Variants in CTNNA3 observed in about 807,000 individuals in gnomAD.
The protein encoded by CTNNA3 is catenin alpha 3.
CTNNA3 carries 76 observed loss-of-function variants against 95.7 expected under a neutral mutation model. The observed-to-expected ratio is 0.79, with a 90% CI of 0.66 to 0.96. CTNNA3 has a LOEUF of 0.96. Among genes scored for constraint, CTNNA3 ranks in the 40% least tolerant of loss-of-function variants. The pLI is 0.00. For synonymous variants in CTNNA3, 431 were observed against 374.4 expected (o/e 1.15, Z -1.74); for missense variants, 1,191 against 1,089.8 (o/e 1.09, Z -1.31).
intron 11 of CTNNA3, among the ~76,000 whole-genome samples, chr10:66,514,842 G>T (rs1040798277): frequency 9.2e-5 from 14 of 152,088 alleles, no homozygotes; most frequent in Non-Finnish European, 1.8e-4. Context: ...TGTAGCTCAT[G>T]ATGAGTCAGT....
intron 13 of CTNNA3, among the ~76,000 whole-genome samples, chr10:66,142,841 A>G (rs770847838): frequency 1.1e-4 from 16 of 152,116 alleles, no homozygotes; most frequent in Admixed American, 3.9e-4. Context: ...GCAGAGTATA[A>G]AAATAATAAA....
At chr10:66,541,611 C>T (rs754698115) in intron 10 of CTNNA3, among the ~76,000 whole-genome samples, 2 of 152,024 alleles carry the variant, frequency 1.3e-5, no homozygotes, top group African/African-American at 2.4e-5. Context: ...CTCTATAATG[C>T]ATGTTTCTTT....
At chr10:66,824,046 C>CTT (rs57827121) in intron 7 of CTNNA3, among the ~76,000 whole-genome samples, 10,731 of 147,364 alleles carry the variant, frequency 0.073, 574 homozygotes, top group African/African-American at 0.14. Flanking sequence ...ATGCCATACT[C>CTT]TTTTTTTTTT....
chr10:66,694,914 T>C (rs557834871), intron 9 of CTNNA3, among the ~76,000 whole-genome samples: 13 of 152,314 alleles, frequency 8.5e-5, no homozygotes, highest in Admixed American at 2.0e-4. Flanking sequence ...CTAAATTTCT[T>C]TCAGAATTCA....
rs758853524 is a variant in CTNNA3, at chr10:66,154,246, T to C, written c.1885-50997A>G. On this transcript the variant is annotated intron_variant, in intron 13 of 17. Transcript: ENST00000433211. ...TTTATTTATAATCCAGCAAATCCTC[T>C]TTGGACTTATATTTTAAATTACTCC... Among the ~76,000 whole-genome samples the C allele has an allele frequency of 2.0e-5, 3 of 151,790 alleles. No homozygotes were observed. The Admixed American group carries it at 2.0e-4, about 10-fold the overall frequency.
intron 5 of CTNNA3, among the ~76,000 whole-genome samples, chr10:67,307,491 G>A (rs1840605488): frequency 6.6e-6 from 1 of 152,086 alleles, no homozygotes; most frequent in South Asian, 2.1e-4. Context: ...TGTTTGGTTG[G>A]TTGGTTGTTT....
At chr10:66,026,398 G>A (rs1034700064) in intron 15 of CTNNA3, among the ~76,000 whole-genome samples, 2 of 151,858 alleles carry the variant, frequency 1.3e-5, no homozygotes, top group Non-Finnish European at 1.5e-5. Context: ...CCTTTCTTCC[G>A]GTTTAGTCTC....
chr10:67,727,195 G>GTA (rs1243924172), intron 1 of CTNNA3, among the ~76,000 whole-genome samples: 9 of 123,622 alleles, frequency 7.3e-5, no homozygotes, highest in Admixed American at 1.9e-4. Context: ...TATATTATGT[G>GTA]TATATATACC....
chr10:66,640,349 C>T (rs953784966), intron 9 of CTNNA3, among the ~76,000 whole-genome samples: 5 of 152,106 alleles, frequency 3.3e-5, no homozygotes, highest in African/African-American at 1.2e-4. Flanking sequence ...TGTCTCTTCC[C>T]AGGGGAAGCT....
intron 10 of CTNNA3, among the ~76,000 whole-genome samples, chr10:66,600,364 T>C (rs998816444): frequency 2.0e-5 from 3 of 151,826 alleles, no homozygotes; most frequent in Admixed American, 2.0e-4. Context: ...CCAGTATCAC[T>C]CATGTGCGTG....
intron 3 of CTNNA3, among the ~76,000 whole-genome samples, chr10:67,591,880 T>C (rs769699525): frequency 7.3e-5 from 11 of 150,138 alleles, no homozygotes; most frequent in Non-Finnish European, 1.3e-4. Context: ...TGAAGGCATA[T>C]TATAATAATA....
At chr10:66,972,689 C>G (rs1849788910) in intron 7 of CTNNA3, among the ~76,000 whole-genome samples, 2 of 140,698 alleles carry the variant, frequency 1.4e-5, no homozygotes, top group African/African-American at 5.2e-5. Context: ...TTTAAAGGTT[C>G]TGTCAAATAG....
chr10:66,961,453 T>C (rs1285897395), intron 7 of CTNNA3, among the ~76,000 whole-genome samples: 5 of 152,228 alleles, frequency 3.3e-5, no homozygotes, highest in Non-Finnish European at 5.9e-5. Flanking sequence ...CATTCAAGCA[T>C]GCCACTCACT....
At chr10:67,038,725 T>C (rs893598352) in intron 7 of CTNNA3, among the ~76,000 whole-genome samples, 2 of 152,096 alleles carry the variant, frequency 1.3e-5, no homozygotes, top group African/African-American at 4.8e-5. Flanking sequence ...CAGTCCAAAA[T>C]CATTAGTCAG....
At chr10:66,337,096 ATATT>A (rs1306739526) in intron 12 of CTNNA3, among the ~76,000 whole-genome samples, 1 of 152,148 alleles carries the variant, frequency 6.6e-6, no homozygotes, top group East Asian at 1.9e-4. Context: ...TTCTAAACAT[ATATT>A]TATTTTTCAT....
intron 5 of CTNNA3, among the ~76,000 whole-genome samples, chr10:67,405,851 A>T (rs1845120960): frequency 6.6e-6 from 1 of 152,154 alleles, no homozygotes; most frequent in African/African-American, 2.4e-5. Flanking sequence ...ATAATGAACA[A>T]TCTCTCAGAC....
At chr10:66,891,944 C>T (rs79828686) in intron 7 of CTNNA3, among the ~76,000 whole-genome samples, 14 of 152,098 alleles carry the variant, frequency 9.2e-5, no homozygotes, top group African/African-American at 3.1e-4. Flanking sequence ...ATCTAGAAGC[C>T]GCATTTTAGT....
intron 7 of CTNNA3, among the ~76,000 whole-genome samples, chr10:66,820,205 T>G (rs921714988): frequency 3.3e-5 from 5 of 152,156 alleles, no homozygotes; most frequent in Non-Finnish European, 5.9e-5. Context: ...GGATAAACTT[T>G]GAAAACATTA....
intron 1 of CTNNA3, among the ~76,000 whole-genome samples, chr10:67,666,906 G>A (rs1840340972): frequency 6.6e-6 from 1 of 152,060 alleles, no homozygotes; most frequent in African/African-American, 2.4e-5. Flanking sequence ...GAATTACCAA[G>A]AAGAAGCAGA....
Sources: gnomAD v4.1 joint callset for allele counts (sites outside exome capture counted in the v4.1 genomes callset) on GRCh38, gnomAD v4.1.1 for gene constraint, MANE v1.5 for transcripts, NCBI Gene and HGNC (gene_info 2026-07-23, HGNC 2026-07-21) for gene names.